INTS7: variants seen among roughly 807,000 people sequenced by gnomAD.
INTS7 encodes the protein integrator complex subunit 7, also known as chromosome 1 open reading frame 73.
In INTS7, 46 loss-of-function variants were observed where a neutral mutation model predicts 109.2. The ratio of observed to expected loss-of-function variants is 0.42; its 90% CI spans 0.33 to 0.54. INTS7 has a LOEUF of 0.54. Among genes scored for constraint, INTS7 ranks in the 20% least tolerant of loss-of-function variants. INTS7 has a pLI of 0.07. For synonymous variants in INTS7, 412 were observed against 402.9 expected (o/e 1.02, Z -0.27); for missense variants, 929 against 1,132.4 (o/e 0.82, Z 2.58).
At chr1:211,979,846 T>C (rs2102425537) in intron 10 of INTS7, among the ~76,000 whole-genome samples, 1 of 152,352 alleles carries the variant, frequency 6.6e-6, no homozygotes, top group African/African-American at 2.4e-5. Context: ...TCTTCCCTAA[T>C]ACCCTTGGTT....
At chr1:212,035,180 C>T (rs760377277) in intron 1 of INTS7, among the ~76,000 whole-genome samples, 164 bp downstream of exon 1, 11 of 152,222 alleles carry the variant, frequency 7.2e-5, no homozygotes, top group Non-Finnish European at 1.5e-4. Context: ...TTCCCGCAAC[C>T]TCCCGAAGGG....
chr1:212,000,593 C>T (rs1665622757), intron 7 of INTS7, among the ~76,000 whole-genome samples: 1 of 152,186 alleles, frequency 6.6e-6, no homozygotes, highest in Admixed American at 6.5e-5. Flanking sequence ...TTTGTATGTG[C>T]CAGACACCAC....
intron 7 of INTS7, among the ~76,000 whole-genome samples, chr1:212,003,931 CA>C: frequency 6.6e-6 from 1 of 152,168 alleles, no homozygotes; most frequent in African/African-American, 2.4e-5. Flanking sequence ...ACAGGGGAGA[CA>C]GAGAGAAAAC....
chr1:211,941,545 G>T lies in INTS7; in HGVS notation c.*279C>A. The stretch of plus-strand genomic sequence containing the variant: ...GCTAATTTTTTTGTATTTTTTAGTG[G>T]AGACGGGGTTTCACTGTGTTAGCCA... On this transcript the variant is annotated 3_prime_UTR_variant, in exon 20 of 20. Coordinates refer to ENST00000366994, the MANE Select transcript of INTS7 (RefSeq NM_015434.4). 1 of 330,746 alleles carries T rather than the reference G, an allele frequency of 3.0e-6. No individual in the cohort carries two copies. The highest frequency in any genetic ancestry group is 5.5e-6 in the Non-Finnish European group (1 of 181,626). 20.5% of individuals were successfully genotyped at this position (330,746 alleles called of 1,614,324 possible). A position where few individuals can be genotyped will look rare whatever the true frequency, so the allele number is the denominator to read the frequency against.
chr1:211,942,005 TTG>T lies in INTS7; in HGVS notation c.2706_2707del (p.His902GlnfsTer65). 6.2e-7 allele frequency: 1 copy of T among 1,614,182 alleles called. No homozygotes were observed. The highest frequency in any genetic ancestry group is 8.5e-7 in the Non-Finnish European group (1 of 1,180,032). ...TTTCACAGAAGATTCCACTGTAATG[TTG>T]TGTGTTCCAAGGATAGCAAAGTTCA... is the stretch of plus-strand genomic sequence containing the variant. On this transcript the variant is annotated frameshift_variant, in exon 20 of 20. Transcript: ENST00000366994. LOFTEE classifies it high-confidence loss of function. This position sits in a 1 kb window ranked among gnomAD's most constrained non-coding sequence, Gnocchi z 4.2.
At chr1:212,007,496 A>G (rs1204092029) in intron 5 of INTS7, 47 bp from the exon 6 acceptor site, 3 of 1,435,712 alleles carry the variant, frequency 2.1e-6, no homozygotes, top group Admixed American at 1.7e-5. Context: ...ACCATCCTTA[A>G]TAATATTCCA....
At position 211,944,804 on chromosome 1, in the gene INTS7, T is replaced by C; in HGVS notation, c.2581A>G (p.Lys861Glu). 6.2e-7 allele frequency: 1 copy of C among 1,614,084 alleles called. No individual in the cohort carries two copies. The highest frequency in any genetic ancestry group is 1.1e-5 in the South Asian group (1 of 91,074). ...ATTACCTTGTAGTCTTGTCCAGATT[T>C]ACTCTGCAGTGTGGAAGAAACATTC... Reference protein sequence around the residue: ...CLNVSSTLQSKSGQDYKIPID... With the variant: ...CLNVSSTLQSESGQDYKIPID... Residue 861 changes from lysine (K) to glutamate (E), a missense_variant, in exon 19 of 20, where the codon AAA (lysine) becomes GAA (glutamate). By Grantham distance (56) the Lys-to-Glu change is moderately conservative. This residue lies in a region of INTS7 where 787 missense variants were observed against 901.1 expected (regional missense o/e 0.87). Coordinates refer to ENST00000366994, the MANE Select transcript of INTS7 (RefSeq NM_015434.4).
chr1:211,963,932 T>G (rs1365065377), intron 16 of INTS7, among the ~76,000 whole-genome samples: 1 of 151,974 alleles, frequency 6.6e-6, no homozygotes, highest in Non-Finnish European at 1.5e-5. Context: ...AAAACCGGCA[T>G]AACAAAAGGA....
At chr1:211,968,463 C>T (rs759266249) in intron 14 of INTS7, 50 bp downstream of exon 14, 10 of 1,470,610 alleles carry the variant, frequency 6.8e-6, no homozygotes, top group African/African-American at 2.8e-5. Flanking sequence ...CTTATAACTT[C>T]GAAAACCTCT....
At chr1:211,965,059 G>T (rs1663808680) in intron 16 of INTS7, among the ~76,000 whole-genome samples, 1 of 151,854 alleles carries the variant, frequency 6.6e-6, no homozygotes, top group South Asian at 2.1e-4. Context: ...CTATGCATCT[G>T]ACAAAGTTCT....
chr1:212,034,059 G>A (rs1270140260), intron 1 of INTS7, among the ~76,000 whole-genome samples: 1 of 152,008 alleles, frequency 6.6e-6, no homozygotes, highest in African/African-American at 2.4e-5. Context: ...CTCTAGCCTG[G>A]GCAACAGAGC....
chr1:212,026,936 G>A (rs1666948977), intron 1 of INTS7, among the ~76,000 whole-genome samples: 1 of 152,220 alleles, frequency 6.6e-6, no homozygotes, highest in Non-Finnish European at 1.5e-5. Flanking sequence ...GTTTAAACAT[G>A]CTGATTTAAA....
At chr1:211,975,079 G>A in intron 13 of INTS7, 87 bp downstream of exon 13, 1 of 875,194 alleles carries the variant, frequency 1.1e-6, no homozygotes, top group Non-Finnish European at 1.8e-6. Flanking sequence ...GGTTTCTCAA[G>A]TTAGTTGAAA....
chr1:211,975,603 T>A (rs1212227638), intron 12 of INTS7, among the ~76,000 whole-genome samples: 2 of 152,200 alleles, frequency 1.3e-5, no homozygotes, highest in Non-Finnish European at 2.9e-5. Context: ...ACTAAAACAG[T>A]TCCGAAAGAG....
intron 1 of INTS7, among the ~76,000 whole-genome samples, chr1:212,026,695 T>C (rs998170452): frequency 6.6e-6 from 1 of 152,188 alleles, no homozygotes; most frequent in African/African-American, 2.4e-5. Context: ...CGTATATGTG[T>C]TGGCAAAGGG....
intron 17 of INTS7, chr1:211,952,298 TAAAAA>T: frequency 3.7e-6 from 1 of 270,144 alleles, no homozygotes; most frequent in Non-Finnish European, 6.8e-6. Context: ...GTTAAATTGT[TAAAAA>T]AAGAAAAAAT....
At chr1:211,973,497 A>T (rs12131750) in intron 13 of INTS7, among the ~76,000 whole-genome samples, 10,392 of 152,306 alleles carry the variant, frequency 0.068, 451 homozygotes, top group Admixed American at 0.13. Context: ...GCTGAAGCAG[A>T]TAAAAAGCAT....
At chr1:211,998,062 G>A (rs960385407) in intron 7 of INTS7, among the ~76,000 whole-genome samples, 7 of 152,114 alleles carry the variant, frequency 4.6e-5, no homozygotes, top group East Asian at 1.9e-4. Context: ...GGCCTCAAGC[G>A]ATCCCGCCAG....
At chr1:212,031,878 A>G (rs527238637) in intron 1 of INTS7, among the ~76,000 whole-genome samples, 20 of 152,378 alleles carry the variant, frequency 1.3e-4, no homozygotes, top group African/African-American at 4.8e-4. Context: ...TACAACAGTT[A>G]TAAATATATA....
Sources: gnomAD v4.1 joint callset for allele counts (sites outside exome capture counted in the v4.1 genomes callset) on GRCh38, gnomAD v4.1.1 for gene constraint, gnomAD v4.1.1 regional missense constraint, Gnocchi (gnomAD v3.1) non-coding constraint, MANE v1.5 for transcripts, NCBI Gene and HGNC (gene_info 2026-07-23, HGNC 2026-07-21) for gene names.